Variants in SLC15A5 observed in about 807,000 individuals in gnomAD.
SLC15A5 encodes solute carrier family 15 member 5, also known as Peptide/histidine transporter ENSP00000340402.
SLC15A5 carries 58 observed loss-of-function variants against 56.1 expected under a neutral mutation model. The ratio of observed to expected loss-of-function variants is 1.03; its 90% confidence interval spans 0.84 to 1.29. The LOEUF (loss-of-function observed/expected upper bound fraction) is 1.29. SLC15A5 is among the 50% of genes most tolerant of loss of function. The probability of loss-of-function intolerance (pLI) is 0.00; values close to 1 mark genes in which losing one functional copy is unlikely to be tolerated. For synonymous variants in SLC15A5, 264 were observed against 250.5 expected (o/e 1.05, Z -0.51); for missense variants, 681 against 672.1 (o/e 1.01, Z -0.15).
At chr12:16,195,245 G>C (rs1220784897) in intron 7 of SLC15A5, among the ~76,000 whole-genome samples, 1 of 151,956 alleles carries the variant, frequency 6.6e-6, no homozygotes, top group Non-Finnish European at 1.5e-5. Context: ...CTCTGCCTCT[G>C]TCTCTATCTC....
Position 16,257,777 on chromosome 12 carries a change from A to T in SLC15A5, c.678T>A (p.Ile226=), listed in dbSNP as rs1339043912. 1.3e-6 allele frequency: 2 copies of T among 1,532,626 alleles called. No homozygotes were observed. The highest frequency in any genetic ancestry group is 4.9e-5 in the East Asian group (2 of 40,672). 94.9% of individuals were successfully genotyped at this position (1,532,626 alleles called of 1,614,324 possible). A position where few individuals can be genotyped will look rare whatever the true frequency, so the allele number is the denominator to read the frequency against. ...HSQAWALVLL[I]PFMSMLMAVI... ...CAGCCATAAGCATAGACATAAAAGG[A>T]ATAAGTAAAACAAGGGCCCAGGCCT... Residue 226 remains isoleucine, a synonymous_variant, in exon 3 of 9, where the codon ATT becomes ATA. Coordinates refer to ENST00000344941, the MANE Select transcript of SLC15A5 (RefSeq NM_001170798.1).
At chr12:16,198,387 C>T (rs979776793) in intron 7 of SLC15A5, among the ~76,000 whole-genome samples, 3 of 152,030 alleles carry the variant, frequency 2.0e-5, no homozygotes, top group Non-Finnish European at 2.9e-5. Flanking sequence ...TCTATTTATC[C>T]GAAATTATCA....
intron 3 of SLC15A5, among the ~76,000 whole-genome samples, chr12:16,254,297 T>C (rs140140196): frequency 1.3e-5 from 2 of 151,890 alleles, no homozygotes; most frequent in African/African-American, 4.8e-5. Context: ...AAACAGAAAG[T>C]AGAAAAGCAT....
chr12:16,261,710 A>C (rs978587949), intron 2 of SLC15A5, among the ~76,000 whole-genome samples: 1 of 152,194 alleles, frequency 6.6e-6, no homozygotes, highest in Non-Finnish European at 1.5e-5. Flanking sequence ...TGAGAGTTCT[A>C]ATCTCTTCAT....
At chr12:16,262,736 T>C (rs557590970) in intron 2 of SLC15A5, among the ~76,000 whole-genome samples, 3 of 152,288 alleles carry the variant, frequency 2.0e-5, no homozygotes, top group South Asian at 2.1e-4. Flanking sequence ...TTGGAGATGA[T>C]TGAATCATGG....
intron 7 of SLC15A5, among the ~76,000 whole-genome samples, chr12:16,204,169 T>C (rs1006055410): frequency 6.6e-6 from 1 of 152,046 alleles, no homozygotes; most frequent in Non-Finnish European, 1.5e-5. Flanking sequence ...AAAAATAGGA[T>C]TGGGGTCTGG....
rs970516008 is a variant in SLC15A5, at chr12:16,271,882, C to G, written c.584+679G>C. 6.6e-6 allele frequency among the ~76,000 whole-genome samples: 1 copy of G among 152,110 alleles called. No homozygotes were observed. The highest frequency in any genetic ancestry group is 1.5e-5 in the Non-Finnish European group (1 of 68,012). ...GAACTCGTTGGGAGAGACAAAGATTCACAGGAAGGCTGTTTGATTTTCATG... is the reference window on the plus strand; with the variant it reads ...GAACTCGTTGGGAGAGACAAAGATTGACAGGAAGGCTGTTTGATTTTCATG... On this transcript the variant is annotated intron_variant, in intron 2 of 8. Coordinates refer to ENST00000344941, the MANE Select transcript of SLC15A5 (RefSeq NM_001170798.1). The surrounding 1 kb of genome is among the most constrained non-coding windows in gnomAD (Gnocchi z 8.0).
At chr12:16,242,353 T>C (rs966639715) in intron 4 of SLC15A5, among the ~76,000 whole-genome samples, 3 of 151,970 alleles carry the variant, frequency 2.0e-5, no homozygotes, top group Admixed American at 6.6e-5. Context: ...TTGGAATCTA[T>C]GTAGTTTGTA....
At position 16,224,557 on chromosome 12, in the gene SLC15A5, A is replaced by G. The variant is rs920487611; in HGVS notation, c.1208T>C (p.Phe403Ser). 6.5e-7 allele frequency: 1 copy of G among 1,537,156 alleles called. No homozygotes were observed. The highest frequency in any genetic ancestry group is 8.7e-7 in the Non-Finnish European group (1 of 1,146,858). ...FAALSVMIAG[F>S]FEIHRKHFPA... is the part of the protein sequence containing the mutation. ...GAAATGTTTTCGGTGTATTTCAAAGAAGCCAGCTATCATCACAGACAATGC... is the reference window on the plus strand; with the variant it reads ...GAAATGTTTTCGGTGTATTTCAAAGGAGCCAGCTATCATCACAGACAATGC... The change falls in exon 6 of 9, where the codon TTC becomes TCC. Residue 403 changes from phenylalanine (F) to serine (S), a missense_variant. Transcript: ENST00000344941.
chr12:16,197,705 G>A (rs1364456020), intron 7 of SLC15A5, among the ~76,000 whole-genome samples: 1 of 150,890 alleles, frequency 6.6e-6, no homozygotes, highest in African/African-American at 2.4e-5. Context: ...GCCTGAGCTT[G>A]ATCTTGGGTC....
chr12:16,248,789 A>G (rs1470964421), intron 3 of SLC15A5, among the ~76,000 whole-genome samples: 1 of 152,062 alleles, frequency 6.6e-6, no homozygotes, highest in Non-Finnish European at 1.5e-5. Context: ...CAGTTCTCAA[A>G]TTGATTTTCT....
In SLC15A5 at chr12:16,272,848, T is replaced by A. The variant is rs560883755; in HGVS notation, c.362-65A>T. On this transcript the variant is annotated intron_variant, in intron 1 of 8. Coordinates refer to ENST00000344941, the MANE Select transcript of SLC15A5 (RefSeq NM_001170798.1). ...ACAAGTGGATCACCAAATCACATTTTAAACAGGGTTTTTCTCTGACAGTGG... is the reference window on the plus strand; with the variant it reads ...ACAAGTGGATCACCAAATCACATTTAAAACAGGGTTTTTCTCTGACAGTGG... The A allele has an allele frequency of 6.5e-6, 9 of 1,377,684 alleles. No homozygotes were observed. The African/African-American group carries it at 1.2e-4, about 18-fold the overall frequency. The allele number at this position is 1,377,684 out of a possible 1,614,324, so 85.3% of individuals were successfully genotyped here. A position where few individuals can be genotyped will look rare whatever the true frequency, so the allele number is the denominator to read the frequency against.
At chr12:16,241,377 T>A (rs1383266860) in intron 4 of SLC15A5, among the ~76,000 whole-genome samples, 1 of 152,190 alleles carries the variant, frequency 6.6e-6, no homozygotes, top group African/African-American at 2.4e-5. Flanking sequence ...AGGGTATATA[T>A]GGAGAATCAG....
At chr12:16,260,877 T>A (rs1462476159) in intron 2 of SLC15A5, among the ~76,000 whole-genome samples, 1 of 152,134 alleles carries the variant, frequency 6.6e-6, no homozygotes, top group Non-Finnish European at 1.5e-5. Context: ...ATTCAGTTAT[T>A]ACAATACCAT....
intron 5 of SLC15A5, among the ~76,000 whole-genome samples, chr12:16,238,413 G>A (rs187615078): frequency 1.3e-5 from 2 of 151,896 alleles, no homozygotes; most frequent in Non-Finnish European, 2.9e-5. Flanking sequence ...GGATCACGAG[G>A]TCAGGAGATT....
chr12:16,232,134 T>TG (rs1864305442), intron 5 of SLC15A5, among the ~76,000 whole-genome samples: 1 of 151,952 alleles, frequency 6.6e-6, no homozygotes, highest in Non-Finnish European at 1.5e-5. Context: ...AAACAGGAAG[T>TG]GGGGGTAATC....
Position 16,277,648 on chromosome 12 carries a change from A to G in SLC15A5, c.38T>C (p.Val13Ala). The G allele has an allele frequency of 6.5e-7, 1 of 1,535,836 alleles. No individual in the cohort carries two copies. The highest frequency in any genetic ancestry group is 8.7e-7 in the Non-Finnish European group (1 of 1,145,934). ...CTTCTCAATGCTGTGATATAAGTGT[A>G]CTTTCTCATCAGTTATGGTAAAGCC... is the stretch of plus-strand genomic sequence containing the variant. ...VTGFTITDEK[V>A]HLYHSIEKEK... The change falls in exon 1 of 9, where the codon GTA becomes GCA. Residue 13 changes from valine to alanine, a missense_variant. Coordinates refer to ENST00000344941, the MANE Select transcript of SLC15A5 (RefSeq NM_001170798.1).
chr12:16,221,672 G>C (rs942685994), intron 6 of SLC15A5, among the ~76,000 whole-genome samples: 1 of 152,136 alleles, frequency 6.6e-6, no homozygotes, highest in East Asian at 1.9e-4. Flanking sequence ...CTTATGTTTT[G>C]AGAAGAACAC....
At chr12:16,208,037 C>G (rs1023319329) in intron 7 of SLC15A5, among the ~76,000 whole-genome samples, 1 of 152,166 alleles carries the variant, frequency 6.6e-6, no homozygotes, top group Non-Finnish European at 1.5e-5. Flanking sequence ...TTCCAACTCC[C>G]CATTCTCATC....
Sources: allele counts gnomAD v4.1 joint callset (sites outside exome capture counted in the v4.1 genomes callset), GRCh38; gene constraint gnomAD v4.1.1; non-coding constraint Gnocchi (gnomAD v3.1); transcripts MANE v1.5; gene names NCBI Gene and HGNC (gene_info 2026-07-23, HGNC 2026-07-21).